The following DRP2 variants were observed in gnomAD, a reference collection of about 807,000 sequenced individuals.
DRP2 encodes the protein dystrophin-related protein 2.
Under a neutral mutation model 78.2 loss-of-function variants are expected in DRP2, and 29 were observed. That is an observed-to-expected ratio of 0.37 (90% CI 0.28 to 0.51). DRP2 has a LOEUF of 0.51. Among genes scored for constraint, DRP2 ranks in the 20% least tolerant of loss-of-function variants. The pLI is 0.94. For synonymous variants in DRP2, 290 were observed against 281.9 expected, an observed-to-expected ratio of 1.03 and a Z score of -0.29; for missense variants, 686 against 770.6, an observed-to-expected ratio of 0.89 and a Z score of 1.30.
chrX:101,257,921 T>C (rs1053638157), intron 21 of DRP2, among the ~76,000 whole-genome samples: 1 of 111,007 alleles, frequency 9.0e-6, no homozygotes, highest in Non-Finnish European at 1.9e-5. Flanking sequence ...TGTTATGTTT[T>C]CCCTTGGAAT....
At chrX:101,251,172 TTATTA>T in intron 16 of DRP2, 89 bp downstream of exon 16, 1 of 856,281 alleles carries the variant, frequency 1.2e-6, no homozygotes, top group African/African-American at 2.0e-5. Context: ...TGTCACCTAA[TTATTA>T]TATAATTACA....
At chrX:101,231,059 T>C (rs929245138) in intron 2 of DRP2, among the ~76,000 whole-genome samples, 1 of 112,530 alleles carries the variant, frequency 8.9e-6, no homozygotes, top group African/African-American at 3.2e-5. Context: ...CCTCTGAACA[T>C]GCTAGGCCTT....
At chrX:101,259,602 G>A (rs951743421) in intron 22 of DRP2, among the ~76,000 whole-genome samples, 3 of 111,619 alleles carry the variant, frequency 2.7e-5, no homozygotes, top group Admixed American at 9.5e-5. Flanking sequence ...AGGTTCAAGC[G>A]ATTCTCCTGC....
chrX:101,251,069 C>A lies in DRP2; in HGVS notation c.1851C>A (p.Pro617=). 8.3e-7 allele frequency: 1 copy of A among 1,207,406 alleles called. No homozygotes were observed. Among genetic ancestry groups the A allele is most frequent in the Non-Finnish European group, 1.1e-6 (1 of 893,102 alleles). The stretch of plus-strand genomic sequence containing the variant: ...AGTGCTCTATCTGTAGGCAGTGCCC[C>A]ATCAAGGGGTTCAGGTAGGGAAAAC... ...QTKCSICRQC[P]IKGFRYRSLK... The change falls in exon 16 of 24, where the codon CCC becomes CCA. Residue 617 remains proline (P), a synonymous_variant. Transcript: ENST00000395209.
At position 101,254,483 on chromosome X, in the gene DRP2, C is replaced by T; in HGVS notation, c.2036C>T (p.Ser679Phe). 8.3e-7 allele frequency: 1 copy of T among 1,211,892 alleles called. No homozygotes were observed. Among genetic ancestry groups the T allele is most frequent in the Non-Finnish European group, 1.1e-6 (1 of 895,538 alleles). Residue 679 changes from serine (S) to phenylalanine (F), a missense_variant, in exon 18 of 24, where the codon TCC becomes TTC. By Grantham distance (155) the Ser-to-Phe change is radical. This residue lies in a region of DRP2 where 423 missense variants were observed against 531.5 expected (regional missense o/e 0.80). Transcript: ENST00000395209. ...FATTLKNKFRSKHYFSKHPQR... is the reference protein window; with the variant it reads ...FATTLKNKFRFKHYFSKHPQR... ...ACAACCTTAAAGAACAAATTCCGCT[C>T]CAAGCATTATTTCAGCAAACACCCT...
chrX:101,264,283 C>T lies in DRP2; in HGVS notation c.*3662C>T, dbSNP rs1327269202. 1 of 111,471 alleles carries T rather than the reference C, an allele frequency of 9.0e-6. No homozygotes were observed. The highest frequency in any genetic ancestry group is 9.6e-5 in the Admixed American group (1 of 10,438). 9.2% of individuals were successfully genotyped at this position (111,471 alleles called of 1,213,427 possible). A position where few individuals can be genotyped will look rare whatever the true frequency, so the allele number is the denominator to read the frequency against. Reference sequence around the variant, plus strand: ...CCCTATGGCAGTATTGAGGCCTGACCGAAGTCTGGTATGCTGCTTGCTGGC... The same window carrying T: ...CCCTATGGCAGTATTGAGGCCTGACTGAAGTCTGGTATGCTGCTTGCTGGC... On this transcript the variant is annotated 3_prime_UTR_variant, in exon 24 of 24. Coordinates refer to ENST00000395209, the MANE Select transcript of DRP2 (RefSeq NM_001939.3).
chrX:101,250,780 C>T, intron 15 of DRP2, 137 bp from the exon 16 acceptor site: 1 of 945,365 alleles, frequency 1.1e-6, no homozygotes, highest in Middle Eastern at 4.1e-4. Context: ...TCAACTAGCA[C>T]AGGGCAGAAC....
intron 6 of DRP2, 140 bp downstream of exon 6, chrX:101,239,241 T>C (rs774955194): frequency 2.3e-5 from 19 of 833,272 alleles, no homozygotes; most frequent in Middle Eastern, 4.7e-4. Context: ...CCATCCAAAG[T>C]TGGGGGGAAG....
intron 16 of DRP2, 87 bp downstream of exon 16, chrX:101,251,170 A>G: frequency 1.2e-6 from 1 of 867,009 alleles, no homozygotes; most frequent in Non-Finnish European, 1.6e-6. Context: ...AGTGTCACCT[A>G]ATTATTATAT....
At chrX:101,240,562 A>G (rs909047644) in intron 6 of DRP2, among the ~76,000 whole-genome samples, 1 of 111,988 alleles carries the variant, frequency 8.9e-6, no homozygotes, top group Non-Finnish European at 1.9e-5. Context: ...ACTGACTCCA[A>G]TAACTTCTAG....
chrX:101,245,289 C>T, intron 10 of DRP2, 99 bp from the exon 11 acceptor site: 1 of 925,467 alleles, frequency 1.1e-6, no homozygotes, highest in Non-Finnish European at 1.5e-6. Context: ...AACCCTGCAG[C>T]TTCTTGCATC....
chrX:101,236,251 C>T (rs1922501421), intron 4 of DRP2, among the ~76,000 whole-genome samples: 1 of 111,850 alleles, frequency 8.9e-6, no homozygotes, highest in South Asian at 3.7e-4. Context: ...TGTTTGAGTT[C>T]TCGAAATGTT....
chrX:101,249,634 GA>G (rs1446429731), intron 14 of DRP2, among the ~76,000 whole-genome samples: 1 of 111,300 alleles, frequency 9.0e-6, no homozygotes, highest in Non-Finnish European at 1.9e-5. Context: ...AGAGGTTCAT[GA>G]CTTACCTATG....
chrX:101,222,711 T>G (rs942495602), intron 1 of DRP2, among the ~76,000 whole-genome samples: 1 of 112,660 alleles, frequency 8.9e-6, no homozygotes, highest in Non-Finnish European at 1.9e-5. Context: ...ATGAAATATC[T>G]TTGTTCATTC....
intron 21 of DRP2, among the ~76,000 whole-genome samples, chrX:101,257,951 G>A (rs1923409155): frequency 9.0e-6 from 1 of 110,978 alleles, no homozygotes; most frequent in African/African-American, 3.3e-5. Context: ...TAAAAATGGA[G>A]TAGGTGAGTC....
chrX:101,242,201 G>A, intron 7 of DRP2, 124 bp from the exon 8 acceptor site: 1 of 1,023,410 alleles, frequency 9.8e-7, no homozygotes, highest in Non-Finnish European at 1.3e-6. Flanking sequence ...TGCCCTAATA[G>A]GCAAGCACTA....
At chrX:101,220,218 G>A (rs1921838344) in intron 1 of DRP2, 72 bp downstream of exon 1, 2 of 108,877 alleles carry the variant, frequency 1.8e-5, no homozygotes, top group Admixed American at 2.0e-4. Context: ...CTGAGGGAGG[G>A]GAAGCTCCAG....
At chrX:101,245,625 C>T (rs1922907486) in intron 11 of DRP2, among the ~76,000 whole-genome samples, 176 bp downstream of exon 11, 1 of 112,060 alleles carries the variant, frequency 8.9e-6, no homozygotes, top group African/African-American at 3.2e-5. Context: ...ACCTGGAGGA[C>T]ATTGTGCTAA....
chrX:101,229,171 A>G (rs1922215684), intron 2 of DRP2, among the ~76,000 whole-genome samples: 1 of 112,025 alleles, frequency 8.9e-6, no homozygotes, highest in African/African-American at 3.2e-5. Context: ...AACATGTATT[A>G]CTTCTATAAT....
Sources: allele counts gnomAD v4.1 joint callset (sites outside exome capture counted in the v4.1 genomes callset), GRCh38; gene constraint gnomAD v4.1.1; regional missense constraint gnomAD v4.1.1; transcripts MANE v1.5; gene names NCBI Gene and HGNC (gene_info 2026-07-23, HGNC 2026-07-21).